Variants in SLC9C1 observed in about 807,000 individuals in gnomAD.
SLC9C1 encodes the protein sodium/hydrogen exchanger 10.
A neutral mutation model predicts 140.9 loss-of-function variants in SLC9C1; 97 were observed. The observed-to-expected ratio is 0.69, with a 90% CI of 0.58 to 0.82. The LOEUF is 0.82. Among genes scored for constraint, SLC9C1 ranks in the 40% least tolerant of loss-of-function variants. The pLI, the probability that SLC9C1 is intolerant of heterozygous loss-of-function variation, is 0.00. For missense variants in SLC9C1, 1,340 were observed against 1,389.3 expected (o/e 0.96, Z 0.56); for synonymous variants, 440 against 442.6 (o/e 0.99, Z 0.07).
At chr3:112,188,545 T>C (rs1157872239) in intron 20 of SLC9C1, among the ~76,000 whole-genome samples, 1 of 152,204 alleles carries the variant, frequency 6.6e-6, no homozygotes, top group Non-Finnish European at 1.5e-5. Flanking sequence ...TTCATCCATG[T>C]CCCTGCAAAG....
intron 6 of SLC9C1, 121 bp downstream of exon 6, chr3:112,274,776 C>T (rs2080168512): frequency 1.0e-6 from 1 of 967,580 alleles, no homozygotes; most frequent in South Asian, 2.4e-5. Flanking sequence ...AGTCACTAAA[C>T]CAATACTCAC....
In SLC9C1 at chr3:112,274,939, C is replaced by G. The variant is rs143974577; in HGVS notation, c.571G>C (p.Asp191His). 6.4e-7 allele frequency: 1 copy of G among 1,569,150 alleles called. No homozygotes were observed. The highest frequency in any genetic ancestry group is 8.6e-7 in the Non-Finnish European group (1 of 1,165,852). ...TTACTTTGTAGTCTTTGGTCAAAAT[C>G]CATAATACTAGTAAATGTAATTAAT... ...ISLITFTSIM[D>H]FDQRLQSKRN... The change falls in exon 6 of 29, where the codon GAT becomes CAT. Residue 191 changes from aspartate to histidine, a missense_variant. Coordinates refer to ENST00000305815, the MANE Select transcript of SLC9C1 (RefSeq NM_183061.3).
rs2078040998 is a variant in SLC9C1 at position 112,206,157 on chromosome 3, A to AG, written c.1987-1755_1987-1754insC. Among the ~76,000 whole-genome samples the AG allele has an allele frequency of 4.8e-5, 3 of 63,074 alleles. 1 individual carries two copies. Among genetic ancestry groups the AG allele is most frequent in the Non-Finnish European group, 1.1e-4 (3 of 28,442 alleles). 41.4% of individuals were successfully genotyped at this position (63,074 alleles called of 152,430 possible). A position where few individuals can be genotyped will look rare whatever the true frequency, so the allele number is the denominator to read the frequency against. ...CAATGAACTCAAACAAATTTACAAG[A>AG]AAAAAACAACCCCATCAAAAAGTGG... On this transcript the variant is annotated intron_variant, in intron 16 of 28. Coordinates refer to ENST00000305815, the MANE Select transcript of SLC9C1 (RefSeq NM_183061.3).
intron 26 of SLC9C1, among the ~76,000 whole-genome samples, chr3:112,156,736 GAT>G (rs1021559501): frequency 5.3e-5 from 8 of 151,946 alleles, no homozygotes; most frequent in Non-Finnish European, 1.2e-4. Context: ...AAGGTGAAAT[GAT>G]ATCTCATTGT....
rs182313813 is a variant in SLC9C1, at chr3:112,167,367, A to G, written c.3238-20T>C. On this transcript the variant is annotated intron_variant, in intron 25 of 28. Transcript: ENST00000305815. The stretch of plus-strand genomic sequence containing the variant: ...TTGTATCTGAAAGTTGACAGAATGC[A>G]AGTTAATTTCTGAGCAAATATCCTA... 3.7e-5 allele frequency: 58 copies of G among 1,565,556 alleles called. No homozygotes were observed. In the African/African-American group the frequency reaches 7.5e-4, roughly 20 times the overall value.
At chr3:112,211,394 G>A (rs111894678) in intron 15 of SLC9C1, among the ~76,000 whole-genome samples, 45,600 of 151,318 alleles carry the variant, frequency 0.3, 7,060 homozygotes, top group East Asian at 0.36. Flanking sequence ...GAGCATGACC[G>A]AAGCAGGGCA....
At chr3:112,264,496 A>G (rs1361516816) in intron 8 of SLC9C1, among the ~76,000 whole-genome samples, 153 bp from the exon 9 acceptor site, 2 of 152,020 alleles carry the variant, frequency 1.3e-5, no homozygotes, top group Admixed American at 1.3e-4. Flanking sequence ...AAAATGATGA[A>G]AAGTTATTAA....
chr3:112,246,104 T>C (rs1385671141), intron 10 of SLC9C1, among the ~76,000 whole-genome samples: 1 of 152,206 alleles, frequency 6.6e-6, no homozygotes, highest in Admixed American at 6.5e-5. Flanking sequence ...CTTTTTGTTC[T>C]TCATTTTCTG....
chr3:112,163,866 G>A (rs1304068778), intron 26 of SLC9C1, among the ~76,000 whole-genome samples: 1 of 151,826 alleles, frequency 6.6e-6, no homozygotes, highest in Non-Finnish European at 1.5e-5. Flanking sequence ...AATGTTGACA[G>A]TGGGGTGTTA....
At chr3:112,143,363 G>A (rs904213632) in intron 28 of SLC9C1, among the ~76,000 whole-genome samples, 1 of 152,154 alleles carries the variant, frequency 6.6e-6, no homozygotes, top group Admixed American at 6.5e-5. Flanking sequence ...CACCAACAGT[G>A]TATACATGTT....
chr3:112,147,517 A>G (rs1336638829), intron 28 of SLC9C1: 1 of 422,634 alleles, frequency 2.4e-6, no homozygotes, highest in Non-Finnish European at 4.7e-6. Context: ...TTGTCTGGAA[A>G]GTTAATTTTC....
At chr3:112,288,134 GCACA>G (rs1308009314) in intron 1 of SLC9C1, among the ~76,000 whole-genome samples, 1 of 146,524 alleles carries the variant, frequency 6.8e-6, no homozygotes, top group Non-Finnish European at 1.5e-5. Context: ...ATACACACAC[GCACA>G]CACACACATC....
intron 18 of SLC9C1, 86 bp from the exon 19 acceptor site, chr3:112,200,848 C>T (rs1316354497): frequency 2.5e-6 from 3 of 1,195,042 alleles, no homozygotes; most frequent in Non-Finnish European, 1.2e-6. Flanking sequence ...GATTTTTAAC[C>T]TAAGTTAATA....
intron 26 of SLC9C1, among the ~76,000 whole-genome samples, chr3:112,165,793 A>G (rs1031052559): frequency 2.6e-5 from 4 of 152,118 alleles, no homozygotes; most frequent in Non-Finnish European, 5.9e-5. Context: ...ACTCTCTTCA[A>G]AGCTATCAGA....
chr3:112,222,750 T>C (rs1220611304), intron 13 of SLC9C1, among the ~76,000 whole-genome samples: 3 of 152,130 alleles, frequency 2.0e-5, no homozygotes, highest in African/African-American at 7.2e-5. Context: ...GGGAAGTGAC[T>C]AAAAGACATG....
At chr3:112,287,959 C>T (rs945133228) in intron 1 of SLC9C1, among the ~76,000 whole-genome samples, 2 of 136,912 alleles carry the variant, frequency 1.5e-5, no homozygotes, top group Non-Finnish European at 1.5e-5. Flanking sequence ...AGGAAAATGG[C>T]GTGAACCGGG....
chr3:112,213,021 T>C (rs931651921), intron 15 of SLC9C1, among the ~76,000 whole-genome samples: 2 of 152,204 alleles, frequency 1.3e-5, no homozygotes, highest in Non-Finnish European at 2.9e-5. Flanking sequence ...GCAGAAACTC[T>C]ACAAGGCAGA....
chr3:112,263,011 A>G lies in SLC9C1; in HGVS notation c.1110T>C (p.Ser370=), dbSNP rs1437853605. The G allele has an allele frequency of 1.9e-6, 3 of 1,607,550 alleles. No individual in the cohort carries two copies. Among genetic ancestry groups the G allele is most frequent in the Admixed American group, 3.4e-5 (2 of 59,250 alleles). The change falls in exon 10 of 29, where the codon AGT becomes AGC. Residue 370 remains serine (S), a synonymous_variant. Coordinates refer to ENST00000305815, the MANE Select transcript of SLC9C1 (RefSeq NM_183061.3). ...SWRWIFIMVC[S]EMKGMPNINM... ...TTATATTAGGCATCCCCTTCATTTC[A>G]CTACAGACCATTATGAATATCCAGC... is the stretch of plus-strand genomic sequence containing the variant.
At chr3:112,277,572 C>A in intron 5 of SLC9C1, 123 bp downstream of exon 5, 1 of 801,690 alleles carries the variant, frequency 1.2e-6, no homozygotes, top group Non-Finnish European at 1.8e-6. Flanking sequence ...TAATCCTCAA[C>A]CCCCAATCCC....
Sources: gnomAD v4.1 joint callset for allele counts (sites outside exome capture counted in the v4.1 genomes callset) on GRCh38, gnomAD v4.1.1 for gene constraint, MANE v1.5 for transcripts, NCBI Gene and HGNC (gene_info 2026-07-23, HGNC 2026-07-21) for gene names.